The following EFHC1 variants were observed in gnomAD, a reference collection of about 807,000 sequenced individuals.
EFHC1 encodes the protein EF-hand domain-containing protein 1.
In EFHC1, 53 loss-of-function variants were observed where a neutral mutation model predicts 69.9. The ratio of observed to expected loss-of-function variants is 0.76; its 90% confidence interval spans 0.61 to 0.95. The LOEUF (loss-of-function observed/expected upper bound fraction) is 0.95. Ranked by LOEUF, EFHC1 falls within the 40% of genes least tolerant of loss-of-function variation. The pLI, the probability that EFHC1 is intolerant of heterozygous loss-of-function variation, is 0.00. For synonymous variants in EFHC1, 256 were observed against 278.4 expected (o/e 0.92, Z 0.80); for missense variants, 739 against 798.7 (o/e 0.93, Z 0.90).
In EFHC1 at chr6:52,492,646, ACT is replaced by A. The variant is rs1302538030; in HGVS notation, c.*308_*309del. 1 of 476,584 alleles carries A rather than the reference ACT, an allele frequency of 2.1e-6. No homozygotes were observed. The highest frequency in any genetic ancestry group is 4.1e-6 in the Non-Finnish European group (1 of 243,052). The allele number at this position is 476,584 out of a possible 1,614,324, so 29.5% of individuals were successfully genotyped here. A position where few individuals can be genotyped will look rare whatever the true frequency, so the allele number is the denominator to read the frequency against. The stretch of plus-strand genomic sequence containing the variant: ...TAAATTTTTTTAGAGATGGGATCTC[ACT>A]CTGTCATACAGGCTGGAGTGTGGTG... On this transcript the variant is annotated 3_prime_UTR_variant, in exon 11 of 11. Transcript: ENST00000371068.
chr6:52,481,113 G>GT (rs956332036), intron 9 of EFHC1, among the ~76,000 whole-genome samples: 1 of 152,134 alleles, frequency 6.6e-6, no homozygotes, highest in African/African-American at 2.4e-5. Flanking sequence ...CAGGATGGTG[G>GT]TATCAGTGGA....
chr6:52,492,888 A>T lies in EFHC1; in HGVS notation c.*547A>T. On this transcript the variant is annotated 3_prime_UTR_variant, in exon 11 of 11. Coordinates refer to ENST00000371068, the MANE Select transcript of EFHC1 (RefSeq NM_018100.4). Reference sequence around the variant, plus strand: ...CACCTCAGCCTCCAAAAGTGCTGGGATTATAGGCATGAGCCACTGTGCCCA... The same window carrying T: ...CACCTCAGCCTCCAAAAGTGCTGGGTTTATAGGCATGAGCCACTGTGCCCA... 2.2e-6 allele frequency: 1 copy of T among 453,950 alleles called. No individual in the cohort carries two copies. The highest frequency in any genetic ancestry group is 1.6e-5 in the South Asian group (1 of 64,410). The allele number at this position is 453,950 out of a possible 1,614,324, so 28.1% of individuals were successfully genotyped here. A position where few individuals can be genotyped will look rare whatever the true frequency, so the allele number is the denominator to read the frequency against.
chr6:52,437,801 AC>A (rs1484734278), intron 2 of EFHC1: 1 of 168,138 alleles, frequency 5.9e-6, no homozygotes, highest in Non-Finnish European at 1.3e-5. Context: ...ATCTGGTTTA[AC>A]CTTAATTACC....
intron 2 of EFHC1, among the ~76,000 whole-genome samples, chr6:52,434,884 C>CATATATATAT (rs59802769): frequency 8.7e-5 from 13 of 148,674 alleles, no homozygotes; most frequent in African/African-American, 2.0e-4. Context: ...TACCTGAGAC[C>CATATATATAT]ATATATATAT....
intron 2 of EFHC1, among the ~76,000 whole-genome samples, chr6:52,433,066 G>A (rs1350582633): frequency 6.6e-6 from 1 of 151,566 alleles, no homozygotes; most frequent in Non-Finnish European, 1.5e-5. Flanking sequence ...CTATTTCATT[G>A]AAAAAAATTT....
chr6:52,432,255 T>C (rs1764432690), intron 2 of EFHC1, among the ~76,000 whole-genome samples: 1 of 152,180 alleles, frequency 6.6e-6, no homozygotes, highest in Non-Finnish European at 1.5e-5. Flanking sequence ...TCTGTATACC[T>C]GGATTTTTTG....
chr6:52,490,576 A>G lies in EFHC1; in HGVS notation c.1851+226A>G, dbSNP rs2397091. On this transcript the variant is annotated intron_variant, in intron 10 of 10. Coordinates refer to ENST00000371068, the MANE Select transcript of EFHC1 (RefSeq NM_018100.4). The stretch of plus-strand genomic sequence containing the variant: ...CTTTAAGTGGGCCTGGGGCTGGACA[A>G]CACAGAGTGGTTAGTAGACCAACAT... 0.052 allele frequency: 31,525 copies of G among 606,530 alleles called. 968 individuals are homozygous for G. Among genetic ancestry groups the G allele is most frequent in the South Asian group, 0.078 (3,860 of 49,584 alleles). The allele number at this position is 606,530 out of a possible 1,614,324, so 37.6% of individuals were successfully genotyped here.
rs142644966 is a variant in EFHC1 at position 52,442,688 on chromosome 6, T to A, written c.573+4097T>A. On this transcript the variant is annotated intron_variant, in intron 3 of 10. Transcript: ENST00000371068. ...TATGTGCCACATTTTCTTAATCCAG[T>A]CTATCATTGTTGGACATTTGGGTTG... Among the ~76,000 whole-genome samples, 840 of 152,292 alleles carry A rather than the reference T, an allele frequency of 5.5e-3. 8 individuals are homozygous for A. Among genetic ancestry groups the A allele is most frequent in the African/African-American group, 0.019 (790 of 41,558 alleles).
Position 52,460,061 on chromosome 6 carries a change from CAT to C in EFHC1, c.917-4831_917-4830del, listed in dbSNP as rs199599923. 5.9e-3 allele frequency among the ~76,000 whole-genome samples: 891 copies of C among 152,254 alleles called. 7 individuals are homozygous for C. Among genetic ancestry groups the C allele is most frequent in the Non-Finnish European group, 0.01 (684 of 68,002 alleles). ...GGGTATTTGCCAAGAGAAAGGAAAA[CAT>C]ATGTCCACACAGAAACTTATGTGAA... is the stretch of plus-strand genomic sequence containing the variant. On this transcript the variant is annotated intron_variant, in intron 5 of 10. Transcript: ENST00000371068.
chr6:52,466,188 C>G (rs974439658), intron 6 of EFHC1, among the ~76,000 whole-genome samples: 20 of 152,150 alleles, frequency 1.3e-4, no homozygotes, highest in Non-Finnish European at 2.9e-5. Context: ...TAAAGTATCA[C>G]TGGGCCCTTT....
At chr6:52,457,799 A>C (rs114605740) in intron 5 of EFHC1, among the ~76,000 whole-genome samples, 226 of 152,306 alleles carry the variant, frequency 1.5e-3, no homozygotes, top group Non-Finnish European at 2.7e-3. Flanking sequence ...TGCCTGTTAG[A>C]TGAATCTTGA....
chr6:52,461,515 G>A (rs1433053496), intron 5 of EFHC1, among the ~76,000 whole-genome samples: 1 of 152,052 alleles, frequency 6.6e-6, no homozygotes, highest in Non-Finnish European at 1.5e-5. Flanking sequence ...ATTATGAATA[G>A]TGCTGCAGTG....
At chr6:52,440,486 ATGTATATGTATG>A (rs746668148) in intron 3 of EFHC1, among the ~76,000 whole-genome samples, 2 of 151,916 alleles carry the variant, frequency 1.3e-5, no homozygotes, top group Non-Finnish European at 1.5e-5. Flanking sequence ...CTTCATGTAT[ATGTATATGTATG>A]TGTATATGTA....
intron 6 of EFHC1, among the ~76,000 whole-genome samples, chr6:52,465,864 A>C (rs866697523): frequency 8.8e-5 from 13 of 148,170 alleles, no homozygotes; most frequent in Non-Finnish European, 1.0e-4. Flanking sequence ...ATCTATCTAT[A>C]TATATATTAT....
rs1258788536 is a variant in EFHC1, at chr6:52,495,978, G to A, written c.*3637G>A. On this transcript the variant is annotated 3_prime_UTR_variant, in exon 11 of 11. Coordinates refer to ENST00000371068, the MANE Select transcript of EFHC1 (RefSeq NM_018100.4). ...AGCAGCAAGTATAGGAGCCACAAAC[G>A]TCAGAGCAAATCACTTTTTCTACTA... 1.8e-5 allele frequency: 4 copies of A among 218,498 alleles called. No individual in the cohort carries two copies. The highest frequency in any genetic ancestry group is 7.6e-5 in the South Asian group (1 of 13,122). 13.5% of individuals were successfully genotyped at this position (218,498 alleles called of 1,614,324 possible).
chr6:52,450,973 A>AT (rs113892190), intron 3 of EFHC1, among the ~76,000 whole-genome samples: 1,596 of 151,386 alleles, frequency 0.011, 23 homozygotes, highest in African/African-American at 0.037. Context: ...TAATTTTTGT[A>AT]TTTTTTAGCA....
At chr6:52,478,367 T>G (rs1405933416) in intron 7 of EFHC1, among the ~76,000 whole-genome samples, 2 of 152,102 alleles carry the variant, frequency 1.3e-5, no homozygotes, top group African/African-American at 4.8e-5. Flanking sequence ...ATGGCACATG[T>G]ATACATATGT....
In EFHC1 at chr6:52,497,086, T is replaced by C. The variant is rs1415479414; in HGVS notation, c.*4745T>C. The C allele has an allele frequency of 6.6e-6, 1 of 152,212 alleles. No homozygotes were observed. The highest frequency in any genetic ancestry group is 2.4e-5 in the African/African-American group (1 of 41,450). 9.4% of individuals were successfully genotyped at this position (152,212 alleles called of 1,614,324 possible). ...ATAGTATAGTAGGCATCAAGGATGA[T>C]GTGCTTGTTTCTGGAGCTTCCTACC... On this transcript the variant is annotated 3_prime_UTR_variant, in exon 11 of 11. Coordinates refer to ENST00000371068, the MANE Select transcript of EFHC1 (RefSeq NM_018100.4).
rs1456883245 is a variant in EFHC1 at position 52,495,269 on chromosome 6, T to C, written c.*2928T>C. The C allele has an allele frequency of 2.2e-6, 1 of 453,958 alleles. No individual in the cohort carries two copies. Among genetic ancestry groups the C allele is most frequent in the Non-Finnish European group, 4.4e-6 (1 of 226,788 alleles). The allele number at this position is 453,958 out of a possible 1,614,324, so 28.1% of individuals were successfully genotyped here. The stretch of plus-strand genomic sequence containing the variant: ...GGAGAACCAGGTACCCCAAATCTTA[T>C]GCTCTCCAAACTCCAGGGGACAGAC... On this transcript the variant is annotated 3_prime_UTR_variant, in exon 11 of 11. Coordinates refer to ENST00000371068, the MANE Select transcript of EFHC1 (RefSeq NM_018100.4).
Sources: gnomAD v4.1 joint callset for allele counts (sites outside exome capture counted in the v4.1 genomes callset) on GRCh38, gnomAD v4.1.1 for gene constraint, MANE v1.5 for transcripts, NCBI Gene and HGNC (gene_info 2026-07-23, HGNC 2026-07-21) for gene names.